Variants in INO80D observed in about 807,000 individuals in gnomAD.
INO80D encodes the protein INO80 complex subunit D.
In INO80D, 21 loss-of-function variants were observed where a neutral mutation model predicts 87.6. The observed-to-expected ratio is 0.24, with a 90% confidence interval of 0.17 to 0.35. The LOEUF is 0.35. INO80D is among the 10% of genes least tolerant of loss of function. The pLI is 1.00. For missense variants in INO80D, 982 were observed against 1,280.7 expected (o/e 0.77, Z 3.56); for synonymous variants, 440 against 491.0 (o/e 0.90, Z 1.37).
intron 4 of INO80D, among the ~76,000 whole-genome samples, chr2:206,050,639 G>A (rs922918794): frequency 1.3e-5 from 2 of 148,778 alleles, no homozygotes; most frequent in South Asian, 2.2e-4. Flanking sequence ...GATGATGCCG[G>A]TAAGTGTTGG....
chr2:206,065,406 T>C (rs557894602), intron 1 of INO80D, among the ~76,000 whole-genome samples: 1 of 152,056 alleles, frequency 6.6e-6, no homozygotes, highest in African/African-American at 2.4e-5. Context: ...GGGGCAGAGG[T>C]TGCAGTGAGC....
intron 4 of INO80D, among the ~76,000 whole-genome samples, chr2:206,050,921 A>G (rs1010620025): frequency 2.0e-5 from 3 of 152,006 alleles, no homozygotes; most frequent in Non-Finnish European, 4.4e-5. Context: ...GTGAGCCGAG[A>G]TCCCGCCACT....
intron 2 of INO80D, 25 bp from the exon 3 acceptor site, chr2:206,063,070 A>C (rs1689728115): frequency 1.6e-6 from 2 of 1,226,530 alleles, no homozygotes; most frequent in Admixed American, 4.1e-5. Context: ...CAAAAAAAGA[A>C]ACCCAAATGA....
rs1688406493 is a variant in INO80D at position 206,019,607 on chromosome 2, C to T, written c.1408+129G>A. On this transcript the variant is annotated intron_variant, in intron 7 of 10. Coordinates refer to ENST00000403263, the MANE Select transcript of INO80D (RefSeq NM_017759.5). The stretch of plus-strand genomic sequence containing the variant: ...CAGAGGACATCATGAAAATTATGTT[C>T]GATAAAATTATTTTAAACATTAAAC... The T allele has an allele frequency of 9.3e-6, 6 of 648,344 alleles. No homozygotes were observed. The Admixed American group carries it at 1.4e-4, about 15-fold the overall frequency. 40.2% of individuals were successfully genotyped at this position (648,344 alleles called of 1,614,324 possible).
chr2:206,060,390 G>A (rs761187061), intron 3 of INO80D, among the ~76,000 whole-genome samples: 48 of 151,868 alleles, frequency 3.2e-4, no homozygotes, highest in African/African-American at 9.6e-4. Context: ...AAAATTAGCC[G>A]AGCGTGGTAG....
chr2:206,083,567 A>G (rs1641338786), intron 1 of INO80D, among the ~76,000 whole-genome samples: 1 of 152,186 alleles, frequency 6.6e-6, no homozygotes, highest in Admixed American at 6.5e-5. Flanking sequence ...CTTAAGCTCA[A>G]TGCTAAATGA....
intron 9 of INO80D, among the ~76,000 whole-genome samples, chr2:206,008,281 G>A (rs1688080783): frequency 8.1e-6 from 1 of 123,328 alleles, no homozygotes; most frequent in Non-Finnish European, 1.7e-5. Context: ...ACCATGCCTT[G>A]CTTTTTTTTT....
intron 5 of INO80D, among the ~76,000 whole-genome samples, chr2:206,030,142 G>A (rs1688722199): frequency 6.6e-6 from 1 of 152,182 alleles, no homozygotes; most frequent in Non-Finnish European, 1.5e-5. Context: ...TACCACAACA[G>A]AGGTCAGGGT....
At chr2:206,044,509 A>G (rs1414082677) in intron 5 of INO80D, among the ~76,000 whole-genome samples, 2 of 151,782 alleles carry the variant, frequency 1.3e-5, no homozygotes, top group Non-Finnish European at 2.9e-5. Flanking sequence ...AAGGAGGAAA[A>G]CAGAGTAAAG....
At chr2:206,078,061 CA>C (rs71410859) in intron 1 of INO80D, among the ~76,000 whole-genome samples, 383 of 63,008 alleles carry the variant, frequency 6.1e-3, no homozygotes, top group Middle Eastern at 0.017. Flanking sequence ...GCAATGTTTA[CA>C]AAAAAAAAAA....
chr2:206,026,035 C>T (rs903784978), intron 6 of INO80D, among the ~76,000 whole-genome samples: 2 of 151,956 alleles, frequency 1.3e-5, no homozygotes, highest in Admixed American at 6.6e-5. Context: ...GTAGCTAGGA[C>T]TACAGGTGCA....
At position 206,019,810 on chromosome 2, in the gene INO80D, G is replaced by A. The variant is rs1688412041; in HGVS notation, c.1334C>T (p.Ala445Val). ...ACCCTTCACGGTTCCACTGCATGCTGCTGGTTCCACCTCCCTCAGCTTGGT... is the reference window on the plus strand; with the variant it reads ...ACCCTTCACGGTTCCACTGCATGCTACTGGTTCCACCTCCCTCAGCTTGGT... The part of the protein sequence containing the change: ...SRTKLREVEP[A>V]ACSGTVKGEQ... Residue 445 changes from alanine to valine, a missense_variant, in exon 7 of 11, where the codon GCA (alanine) becomes GTA (valine). Ala to Val is a moderately conservative substitution (Grantham distance 64, BLOSUM62 0). Transcript: ENST00000403263. 1 of 1,613,894 alleles carries A rather than the reference G, an allele frequency of 6.2e-7. No individual in the cohort carries two copies. Among genetic ancestry groups the A allele is most frequent in the Non-Finnish European group, 8.5e-7 (1 of 1,179,836 alleles).
rs1432238372 is a variant in INO80D, at chr2:206,001,243, T to C, written c.*3125A>G. On this transcript the variant is annotated 3_prime_UTR_variant, in exon 11 of 11. Coordinates refer to ENST00000403263, the MANE Select transcript of INO80D (RefSeq NM_017759.5). ...AGAAAAAGCCCATCTTTTCTTCAGA[T>C]ACTACTGATCATAGCCAGTGAATAT... 1 of 152,226 alleles carries C rather than the reference T, an allele frequency of 6.6e-6. No individual in the cohort carries two copies. The highest frequency in any genetic ancestry group is 1.5e-5 in the Non-Finnish European group (1 of 68,038). 9.4% of individuals were successfully genotyped at this position (152,226 alleles called of 1,614,324 possible).
intron 4 of INO80D, 36 bp downstream of exon 4, chr2:206,056,162 T>C: frequency 6.6e-7 from 1 of 1,521,886 alleles, no homozygotes; most frequent in Non-Finnish European, 8.8e-7. Context: ...TTTTGTCATA[T>C]TATGTGTCTA....
chr2:206,021,920 G>A (rs370014100), intron 6 of INO80D, among the ~76,000 whole-genome samples: 35 of 152,112 alleles, frequency 2.3e-4, no homozygotes, highest in African/African-American at 8.2e-4. Flanking sequence ...TGCCTGAATG[G>A]ATAATTTTCA....
intron 7 of INO80D, among the ~76,000 whole-genome samples, chr2:206,018,942 A>C (rs1428196589): frequency 6.6e-6 from 1 of 152,134 alleles, no homozygotes; most frequent in East Asian, 1.9e-4. Flanking sequence ...CAATATTTTT[A>C]AGCACTCATA....
chr2:206,073,955 T>TG (rs1690039915), intron 1 of INO80D, among the ~76,000 whole-genome samples: 3 of 152,056 alleles, frequency 2.0e-5, no homozygotes, highest in Admixed American at 2.0e-4. Flanking sequence ...GTGAGCCTCC[T>TG]GCCTCAGCCT....
chr2:206,025,314 G>A (rs1351829582), intron 6 of INO80D, among the ~76,000 whole-genome samples: 1 of 150,836 alleles, frequency 6.6e-6, no homozygotes, highest in South Asian at 2.1e-4. Context: ...GATCACCTGA[G>A]GTCAGGAATT....
In INO80D at chr2:206,056,888, T is replaced by C. The variant is rs771661855; in HGVS notation, c.274A>G (p.Lys92Glu). The C allele has an allele frequency of 3.1e-6, 5 of 1,608,178 alleles. No individual in the cohort carries two copies. In the South Asian group the frequency reaches 5.5e-5, roughly 18 times the overall value. The change falls in exon 4 of 11, where the codon AAA becomes GAA. Residue 92 changes from lysine (K) to glutamate (E), a missense_variant. Transcript: ENST00000403263. ...LGFIPKKERKKKNDPIDEVKV... is the reference protein window; with the variant it reads ...LGFIPKKERKEKNDPIDEVKV... ...ACCTCATCTATAGGATCATTCTTTT[T>C]CTTCCTCTCTTTTTTCGGGATAAAG...
Sources: allele counts gnomAD v4.1 joint callset (sites outside exome capture counted in the v4.1 genomes callset), GRCh38; gene constraint gnomAD v4.1.1; transcripts MANE v1.5; gene names NCBI Gene and HGNC (gene_info 2026-07-23, HGNC 2026-07-21).